The following EFHC2 variants were observed in gnomAD, a reference collection of about 807,000 sequenced individuals.
The protein encoded by EFHC2 is EF-hand domain-containing family member C2.
EFHC2 carries 18 observed loss-of-function variants against 52.7 expected under a neutral mutation model. The ratio of observed to expected loss-of-function variants is 0.34; its 90% CI spans 0.24 to 0.51. EFHC2 has a LOEUF of 0.51. EFHC2 is among the 20% of genes least tolerant of loss of function. The pLI is 0.97. For synonymous variants in EFHC2, 203 were observed against 204.1 expected (o/e 0.99, Z 0.04); for missense variants, 513 against 562.5 (o/e 0.91, Z 0.89).
At chrX:44,187,990 TA>T (rs1162411636) in intron 11 of EFHC2, among the ~76,000 whole-genome samples, 1 of 107,700 alleles carries the variant, frequency 9.3e-6, no homozygotes, top group Non-Finnish European at 1.9e-5. Flanking sequence ...TTTCTTTCTT[TA>T]ACAGAGTCTC....
At chrX:44,152,558 A>G (rs1207441868) in intron 14 of EFHC2, among the ~76,000 whole-genome samples, 1 of 111,488 alleles carries the variant, frequency 9.0e-6, no homozygotes, top group Non-Finnish European at 1.9e-5. Context: ...TCAGAAGTTG[A>G]GCCCAAACCA....
chrX:44,181,080 C>A (rs145715886), intron 11 of EFHC2, among the ~76,000 whole-genome samples: 1 of 110,761 alleles, frequency 9.0e-6, no homozygotes, highest in Non-Finnish European at 1.9e-5. Context: ...GAGTGACAGA[C>A]AAAGACCCCA....
At chrX:44,248,469 C>A (rs2037417128) in intron 6 of EFHC2, 59 bp from the exon 7 acceptor site, 2 of 1,093,678 alleles carry the variant, frequency 1.8e-6, no homozygotes, top group Non-Finnish European at 2.4e-6. Context: ...AACCAGGAAC[C>A]CCTTCCCAGA....
intron 11 of EFHC2, among the ~76,000 whole-genome samples, chrX:44,202,985 T>C (rs187851143): frequency 1.8e-5 from 2 of 111,089 alleles, no homozygotes; most frequent in Admixed American, 1.9e-4. Context: ...CTGTTGGAGA[T>C]GCAGCAGCAG....
At chrX:44,182,353 T>C (rs1350342493) in intron 11 of EFHC2, among the ~76,000 whole-genome samples, 2 of 112,536 alleles carry the variant, frequency 1.8e-5, no homozygotes, top group Non-Finnish European at 3.7e-5. Flanking sequence ...TACATGGACA[T>C]GTGGGTTACT....
intron 2 of EFHC2, chrX:44,310,442 G>A: frequency 1.1e-6 from 1 of 910,674 alleles, no homozygotes; most frequent in Non-Finnish European, 1.5e-6. Context: ...CTGCGGGTCC[G>A]TAATGTGCAG....
chrX:44,148,127 A>T lies in EFHC2; in HGVS notation c.*668T>A, dbSNP rs768927228. 2.7e-5 allele frequency: 3 copies of T among 111,163 alleles called. No individual in the cohort carries two copies. In the Admixed American group the frequency reaches 2.9e-4, roughly 11 times the overall value. 9.2% of individuals were successfully genotyped at this position (111,163 alleles called of 1,213,427 possible). ...ATAAAGTTTTGGTCAAACTATAATT[A>T]TACACACATGCATATATTCCTAAGC... On this transcript the variant is annotated 3_prime_UTR_variant, in exon 15 of 15. Coordinates refer to ENST00000420999, the MANE Select transcript of EFHC2 (RefSeq NM_025184.4).
intron 2 of EFHC2, among the ~76,000 whole-genome samples, chrX:44,307,219 C>T (rs1477150692): frequency 9.0e-6 from 1 of 111,478 alleles, no homozygotes; most frequent in East Asian, 2.8e-4. Flanking sequence ...GCATCTACTA[C>T]AAATATTAAT....
At chrX:44,161,840 T>A (rs769909984) in intron 14 of EFHC2, among the ~76,000 whole-genome samples, 1 of 112,409 alleles carries the variant, frequency 8.9e-6, no homozygotes, top group South Asian at 3.7e-4. Context: ...ATTGATTTGT[T>A]TTTGTGATAG....
At chrX:44,281,227 A>AT (rs1377688058) in intron 2 of EFHC2, among the ~76,000 whole-genome samples, 71 of 112,409 alleles carry the variant, frequency 6.3e-4, no homozygotes, top group African/African-American at 2.1e-3. Context: ...GCCTAGAATT[A>AT]TTTTTTTAAG....
At chrX:44,225,646 T>C (rs1435943581) in intron 11 of EFHC2, 1 of 112,436 alleles carries the variant, frequency 8.9e-6, no homozygotes, top group Non-Finnish European at 1.9e-5. Flanking sequence ...ATGTACAAAT[T>C]TGAAAAGAGA....
intron 1 of EFHC2, among the ~76,000 whole-genome samples, chrX:44,330,338 A>G (rs1292214423): frequency 8.9e-6 from 1 of 111,797 alleles, no homozygotes; most frequent in East Asian, 2.8e-4. Context: ...AGCACAACTC[A>G]TAAAAGAAAA....
At chrX:44,302,773 G>A (rs2037877660) in intron 2 of EFHC2, among the ~76,000 whole-genome samples, 1 of 111,855 alleles carries the variant, frequency 8.9e-6, no homozygotes, top group Non-Finnish European at 1.9e-5. Flanking sequence ...TTTATGACAT[G>A]GTAATAGCAA....
At chrX:44,162,490 C>T (rs1239237424) in intron 14 of EFHC2, among the ~76,000 whole-genome samples, 4 of 111,181 alleles carry the variant, frequency 3.6e-5, no homozygotes, top group African/African-American at 9.8e-5. Context: ...TTGCTGTCTT[C>T]CTTGAAGTTA....
At chrX:44,182,129 A>G (rs888294679) in intron 11 of EFHC2, among the ~76,000 whole-genome samples, 7 of 111,132 alleles carry the variant, frequency 6.3e-5, no homozygotes, top group Non-Finnish European at 1.3e-4. Context: ...TGCTATCTCT[A>G]CAGATTTGCC....
chrX:44,284,893 T>C (rs1168917545), intron 2 of EFHC2: 1 of 111,984 alleles, frequency 8.9e-6, no homozygotes, highest in African/African-American at 3.2e-5. Flanking sequence ...AGATGGCAAT[T>C]GAGCGCCCCT....
chrX:44,168,313 A>T (rs935487049), intron 13 of EFHC2, among the ~76,000 whole-genome samples: 1 of 111,814 alleles, frequency 8.9e-6, no homozygotes, highest in Non-Finnish European at 1.9e-5. Context: ...TGGGCGGATC[A>T]CGAGGTCAGG....
intron 4 of EFHC2, among the ~76,000 whole-genome samples, chrX:44,258,171 T>G (rs2147342863): frequency 9.0e-6 from 1 of 111,446 alleles, no homozygotes; most frequent in South Asian, 3.7e-4. Flanking sequence ...AGACCTAAAA[T>G]CATAAAAACT....
intron 13 of EFHC2, 65 bp downstream of exon 13, chrX:44,176,227 C>T (rs1453608939): frequency 2.2e-6 from 2 of 907,648 alleles, no homozygotes; most frequent in Non-Finnish European, 3.1e-6. Context: ...GATGTAAAAC[C>T]AGGAATGGTC....
Sources: allele counts gnomAD v4.1 joint callset (sites outside exome capture counted in the v4.1 genomes callset), GRCh38; gene constraint gnomAD v4.1.1; transcripts MANE v1.5; gene names NCBI Gene and HGNC (gene_info 2026-07-23, HGNC 2026-07-21).